Variants in PPM1E observed in about 807,000 individuals in gnomAD.
PPM1E encodes protein phosphatase, Mg2+/Mn2+ dependent 1E.
PPM1E carries 20 observed loss-of-function variants against 65.9 expected under a neutral mutation model. The ratio of observed to expected loss-of-function variants is 0.30; its 90% CI spans 0.21 to 0.44. The LOEUF (loss-of-function observed/expected upper bound fraction) is 0.44, where lower values mean the gene tolerates loss of function less well. Ranked by LOEUF, PPM1E falls within the 20% of genes least tolerant of loss-of-function variation. The probability of loss-of-function intolerance (pLI) is 1.00; values close to 1 mark genes in which losing one functional copy is unlikely to be tolerated. For missense variants in PPM1E, 713 were observed against 953.1 expected (o/e 0.75, Z 3.32); for synonymous variants, 352 against 374.9 (o/e 0.94, Z 0.70).
chr17:58,953,391 T>G (rs2052267518), intron 1 of PPM1E, among the ~76,000 whole-genome samples: 1 of 152,152 alleles, frequency 6.6e-6, no homozygotes, highest in African/African-American at 2.4e-5. Flanking sequence ...GGAGATCACA[T>G]GTTGGGAAAT....
At chr17:58,863,389 C>T (rs528995267) in intron 1 of PPM1E, among the ~76,000 whole-genome samples, 10 of 152,318 alleles carry the variant, frequency 6.6e-5, no homozygotes, top group African/African-American at 2.2e-4. Flanking sequence ...ACGAGCCGGC[C>T]ACTTCTCTCC....
intron 1 of PPM1E, among the ~76,000 whole-genome samples, chr17:58,858,522 A>AT (rs765424392): frequency 1.0e-3 from 148 of 144,824 alleles, no homozygotes; most frequent in South Asian, 6.1e-3. Context: ...CATGAGATCA[A>AT]TTTTTTTTTT....
At chr17:58,967,835 C>G (rs1371928285) in intron 3 of PPM1E, among the ~76,000 whole-genome samples, 3 of 149,502 alleles carry the variant, frequency 2.0e-5, no homozygotes, top group Non-Finnish European at 4.4e-5. Context: ...GAGTCTCGCT[C>G]GCTCTGTCTC....
At chr17:58,816,778 ATATATATATATATATATTT>A (rs1480539304) in intron 1 of PPM1E, among the ~76,000 whole-genome samples, 31 of 9,576 alleles carry the variant, frequency 3.2e-3, no homozygotes, top group South Asian at 0.015. Flanking sequence ...ATATATATAT[ATATATATATATATATATTT>A]TTTTTTTTTT....
intron 1 of PPM1E, among the ~76,000 whole-genome samples, chr17:58,901,658 G>C (rs974277155): frequency 6.8e-6 from 1 of 146,582 alleles, no homozygotes; most frequent in South Asian, 2.2e-4. Flanking sequence ...CTGGACAACA[G>C]AGCAAGACCC....
intron 1 of PPM1E, among the ~76,000 whole-genome samples, chr17:58,875,796 G>T (rs987921858): frequency 2.6e-5 from 4 of 152,070 alleles, no homozygotes; most frequent in African/African-American, 9.7e-5. Flanking sequence ...CGTGGATAAT[G>T]CAGGAAAGGG....
rs770059329 is a variant in PPM1E, at chr17:58,980,334, A to C, written c.1571A>C (p.Glu524Ala). ...GGGGATGATAAGGAGAATCATGGAG[A>C]GTGCAAACGCCCTTGGCCTCAGCAC... The part of the protein sequence containing the change: ...DGGDDKENHG[E>A]CKRPWPQHQC... Residue 524 changes from glutamate (E) to alanine (A), a missense_variant, in exon 7 of 7, where the codon GAG (glutamate) becomes GCG (alanine). Glu to Ala is a moderately radical substitution (Grantham distance 107, BLOSUM62 -1). Around this residue, in one of 6 missense-constraint regions of PPM1E, gnomAD observed 286 missense variants for 313.8 expected, o/e 0.91. Coordinates refer to ENST00000308249, the MANE Select transcript of PPM1E (RefSeq NM_014906.5). This position sits in a 1 kb window ranked among gnomAD's most constrained non-coding sequence, Gnocchi z 4.7. The C allele has an allele frequency of 6.2e-7, 1 of 1,613,988 alleles. No homozygotes were observed. The highest frequency in any genetic ancestry group is 1.3e-5 in the African/African-American group (1 of 74,926).
At chr17:58,863,852 T>A (rs2050970612) in intron 1 of PPM1E, among the ~76,000 whole-genome samples, 2 of 152,142 alleles carry the variant, frequency 1.3e-5, no homozygotes, top group African/African-American at 4.8e-5. Context: ...TTCAGCTACT[T>A]CTTCTACTCT....
intron 1 of PPM1E, among the ~76,000 whole-genome samples, chr17:58,778,602 G>T (rs1050008801): frequency 4.0e-5 from 6 of 151,452 alleles, no homozygotes; most frequent in Admixed American, 6.6e-5. Context: ...TAGAGATGGG[G>T]TTTCACCACG....
rs548686623 is a variant in PPM1E at position 58,832,419 on chromosome 17, C to T, written c.464+75958C>T. ...GTATGTTCTGCAAAGGGAAGAGTTT[C>T]TCAGAATTTTATCTGCTTGAAATTA... On this transcript the variant is annotated intron_variant, in intron 1 of 6. Coordinates refer to ENST00000308249, the MANE Select transcript of PPM1E (RefSeq NM_014906.5). Among the ~76,000 whole-genome samples the T allele has an allele frequency of 2.0e-5, 3 of 152,124 alleles. No homozygotes were observed. The East Asian group carries it at 5.8e-4, about 29-fold the overall frequency.
intron 1 of PPM1E, among the ~76,000 whole-genome samples, chr17:58,857,917 T>C (rs2050899724): frequency 6.6e-6 from 1 of 152,186 alleles, no homozygotes. Context: ...TGTAAACTGC[T>C]ACTCCCTACA....
intron 1 of PPM1E, among the ~76,000 whole-genome samples, chr17:58,865,438 G>A (rs2050991086): frequency 6.6e-6 from 1 of 152,146 alleles, no homozygotes; most frequent in African/African-American, 2.4e-5. Context: ...AGCCATGGTG[G>A]CTCATGCCTG....
intron 1 of PPM1E, among the ~76,000 whole-genome samples, chr17:58,932,052 G>A (rs2051907088): frequency 6.6e-6 from 1 of 152,166 alleles, no homozygotes; most frequent in Non-Finnish European, 1.5e-5. Context: ...ACAGCAGGAA[G>A]ATTACTTGAG....
chr17:58,891,653 A>C (rs1396605887), intron 1 of PPM1E, among the ~76,000 whole-genome samples: 1 of 152,056 alleles, frequency 6.6e-6, no homozygotes, highest in Non-Finnish European at 1.5e-5. Flanking sequence ...AGTCTATCTT[A>C]ATTCAAAATT....
chr17:58,885,099 C>G (rs921071672), intron 1 of PPM1E, among the ~76,000 whole-genome samples: 18 of 152,008 alleles, frequency 1.2e-4, no homozygotes, highest in Non-Finnish European at 2.5e-4. Flanking sequence ...CTCTTTTGCC[C>G]AGGCCGGAGT....
At chr17:58,936,729 A>G (rs2051985817) in intron 1 of PPM1E, among the ~76,000 whole-genome samples, 1 of 152,242 alleles carries the variant, frequency 6.6e-6, no homozygotes, top group Non-Finnish European at 1.5e-5. Context: ...CTAACAAGTC[A>G]ATACAAAAAG....
chr17:58,802,249 G>T (rs1450831466), intron 1 of PPM1E, among the ~76,000 whole-genome samples: 2 of 152,080 alleles, frequency 1.3e-5, no homozygotes, highest in South Asian at 4.1e-4. Flanking sequence ...TTTTTGAATA[G>T]GGATATCCAG....
intron 1 of PPM1E, among the ~76,000 whole-genome samples, chr17:58,862,511 C>G (rs1393555113): frequency 1.3e-5 from 2 of 152,082 alleles, no homozygotes; most frequent in African/African-American, 4.8e-5. Context: ...ATGCTTCTAT[C>G]CTATGAGAAA....
At chr17:58,905,246 A>T (rs2143483003) in intron 1 of PPM1E, among the ~76,000 whole-genome samples, 1 of 152,286 alleles carries the variant, frequency 6.6e-6, no homozygotes, top group East Asian at 1.9e-4. Context: ...TACAATGTTG[A>T]AAAAGAGTAG....
Sources: gnomAD v4.1 joint callset for allele counts (sites outside exome capture counted in the v4.1 genomes callset) on GRCh38, gnomAD v4.1.1 for gene constraint, gnomAD v4.1.1 regional missense constraint, Gnocchi (gnomAD v3.1) non-coding constraint, MANE v1.5 for transcripts, NCBI Gene and HGNC (gene_info 2026-07-23, HGNC 2026-07-21) for gene names.